The following GPC6 variants were observed in gnomAD, a reference collection of about 807,000 sequenced individuals.
The protein encoded by GPC6 is glypican-6.
GPC6 carries 14 observed loss-of-function variants against 55.2 expected under a neutral mutation model. The ratio of observed to expected loss-of-function variants is 0.25; its 90% CI spans 0.17 to 0.40. The LOEUF (loss-of-function observed/expected upper bound fraction) is 0.40. Ranked by LOEUF, GPC6 falls within the 10% of genes least tolerant of loss-of-function variation. The pLI, the probability that GPC6 is intolerant of heterozygous loss-of-function variation, is 1.00. For missense variants in GPC6, 641 were observed against 708.5 expected (o/e 0.90, Z 1.08); for synonymous variants, 278 against 259.6 (o/e 1.07, Z -0.68).
At chr13:93,319,560 TA>T (rs1879362027) in intron 1 of GPC6, among the ~76,000 whole-genome samples, 1 of 148,218 alleles carries the variant, frequency 6.7e-6, no homozygotes, top group African/African-American at 2.4e-5. Flanking sequence ...AAATAAAGAG[TA>T]GAAGCATTTG....
At chr13:94,197,555 G>T (rs749038189) in intron 4 of GPC6, among the ~76,000 whole-genome samples, 2 of 152,132 alleles carry the variant, frequency 1.3e-5, no homozygotes, top group Non-Finnish European at 2.9e-5. Context: ...GCTCTCTGGT[G>T]TCTCTTCTTA....
At chr13:93,241,629 G>C (rs2139015936) in intron 1 of GPC6, among the ~76,000 whole-genome samples, 1 of 152,114 alleles carries the variant, frequency 6.6e-6, no homozygotes, top group Non-Finnish European at 1.5e-5. Flanking sequence ...GAAACTTTAT[G>C]ATCAATATTT....
At chr13:94,199,779 T>C (rs1889694122) in intron 4 of GPC6, among the ~76,000 whole-genome samples, 1 of 152,202 alleles carries the variant, frequency 6.6e-6, no homozygotes, top group South Asian at 2.1e-4. Flanking sequence ...GCTCAATTAA[T>C]GTTCCCTTCC....
chr13:93,803,681 C>G (rs893185648), intron 2 of GPC6, among the ~76,000 whole-genome samples: 1 of 152,020 alleles, frequency 6.6e-6, no homozygotes, highest in African/African-American at 2.4e-5. Flanking sequence ...TAGAAATAAC[C>G]AGAATATCAA....
At chr13:93,488,388 G>T (rs1217341042) in intron 1 of GPC6, among the ~76,000 whole-genome samples, 2 of 152,158 alleles carry the variant, frequency 1.3e-5, no homozygotes, top group East Asian at 1.9e-4. Context: ...ATTTGGGTTG[G>T]ATCCAAGTCT....
chr13:94,192,106 T>C (rs1375785764), intron 4 of GPC6, among the ~76,000 whole-genome samples: 1 of 152,216 alleles, frequency 6.6e-6, no homozygotes, highest in Non-Finnish European at 1.5e-5. Context: ...ATAATTTATC[T>C]TCCATAGCAT....
intron 4 of GPC6, among the ~76,000 whole-genome samples, chr13:94,185,109 A>C (rs559705491): frequency 6.6e-6 from 1 of 152,250 alleles, no homozygotes; most frequent in African/African-American, 2.4e-5. Context: ...ATGGACATAA[A>C]CCTGGGAACA....
chr13:93,788,308 T>C (rs1885877834), intron 2 of GPC6, among the ~76,000 whole-genome samples: 2 of 152,044 alleles, frequency 1.3e-5, no homozygotes, highest in South Asian at 4.2e-4. Flanking sequence ...TCCAGTGCTG[T>C]ATGAAGCCTC....
At chr13:94,348,194 A>G (rs578048713) in intron 6 of GPC6, among the ~76,000 whole-genome samples, 1 of 152,354 alleles carries the variant, frequency 6.6e-6, no homozygotes, top group African/African-American at 2.4e-5. Context: ...CTAAAAGAGT[A>G]TATGGTACAA....
intron 2 of GPC6, among the ~76,000 whole-genome samples, chr13:93,826,800 T>C (rs1012395447): frequency 1.3e-5 from 2 of 152,202 alleles, no homozygotes; most frequent in Non-Finnish European, 1.5e-5. Context: ...TCTTGGCTCC[T>C]TGGGGTTGGT....
chr13:94,124,366 A>G (rs760213295), intron 4 of GPC6, among the ~76,000 whole-genome samples: 1 of 152,104 alleles, frequency 6.6e-6, no homozygotes, highest in African/African-American at 2.4e-5. Context: ...ATCATGCACT[A>G]AGTCTAAGCT....
intron 4 of GPC6, among the ~76,000 whole-genome samples, chr13:94,226,789 C>T (rs925243196): frequency 4.6e-5 from 7 of 152,160 alleles, no homozygotes; most frequent in African/African-American, 1.4e-4. Context: ...ATGATACCCT[C>T]AACATTGGCA....
intron 6 of GPC6, among the ~76,000 whole-genome samples, chr13:94,310,226 A>G (rs1876173342): frequency 6.6e-6 from 1 of 152,228 alleles, no homozygotes; most frequent in African/African-American, 2.4e-5. Context: ...TCATTAGAGT[A>G]AAAATGGACT....
intron 1 of GPC6, among the ~76,000 whole-genome samples, chr13:93,238,784 G>C (rs1424704226): frequency 7.1e-6 from 1 of 140,150 alleles, no homozygotes; most frequent in Non-Finnish European, 1.6e-5. Context: ...GTTTCTTGGG[G>C]GTTTTTTATC....
intron 2 of GPC6, among the ~76,000 whole-genome samples, chr13:93,783,572 ATCTG>A (rs1317617570): frequency 7.6e-6 from 1 of 131,270 alleles, no homozygotes; most frequent in African/African-American, 3.1e-5. Context: ...AGATCTATCT[ATCTG>A]TCTATCTATC....
At chr13:94,206,034 A>G (rs114994120) in intron 4 of GPC6, among the ~76,000 whole-genome samples, 2,417 of 152,296 alleles carry the variant, frequency 0.016, 74 homozygotes, top group African/African-American at 0.056. Context: ...GCAGACAAAG[A>G]TTCATCAGGC....
intron 4 of GPC6, among the ~76,000 whole-genome samples, chr13:94,133,908 A>G (rs1887093315): frequency 6.6e-6 from 1 of 152,186 alleles, no homozygotes; most frequent in Non-Finnish European, 1.5e-5. Context: ...AGACAGGTAC[A>G]CACAATGAAT....
intron 1 of GPC6, among the ~76,000 whole-genome samples, chr13:93,450,960 G>T (rs1319082275): frequency 6.6e-6 from 1 of 152,120 alleles, no homozygotes; most frequent in South Asian, 2.1e-4. Flanking sequence ...CCAGTGAAAA[G>T]GTTGTTAAAA....
intron 2 of GPC6, among the ~76,000 whole-genome samples, chr13:93,686,781 T>C (rs1050425435): frequency 6.6e-6 from 1 of 152,242 alleles, no homozygotes; most frequent in Non-Finnish European, 1.5e-5. Flanking sequence ...TTACAGAGTT[T>C]GAATACTTAA....
Sources: gnomAD v4.1 joint callset for allele counts (sites outside exome capture counted in the v4.1 genomes callset) on GRCh38, gnomAD v4.1.1 for gene constraint, MANE v1.5 for transcripts, NCBI Gene and HGNC (gene_info 2026-07-23, HGNC 2026-07-21) for gene names.